The following DENND5A variants were observed in gnomAD, a reference collection of about 807,000 sequenced individuals.
The protein encoded by DENND5A is DENN domain-containing protein 5A.
Under a neutral mutation model 140.3 loss-of-function variants are expected in DENND5A, and 64 were observed. The observed-to-expected ratio is 0.46, with a 90% CI of 0.37 to 0.56. DENND5A has a LOEUF of 0.56. Ranked by LOEUF, DENND5A falls within the 20% of genes least tolerant of loss-of-function variation. The pLI, the probability that DENND5A is intolerant of heterozygous loss-of-function variation, is 0.00. For missense variants in DENND5A, 1,292 were observed against 1,593.8 expected, an observed-to-expected ratio of 0.81 and a Z score of 3.22; for synonymous variants, 605 against 607.7, an observed-to-expected ratio of 1.00 and a Z score of 0.07.
intron 1 of DENND5A, among the ~76,000 whole-genome samples, chr11:9,249,645 T>C (rs186496103): frequency 1.6e-4 from 24 of 152,300 alleles, no homozygotes; most frequent in African/African-American, 5.5e-4. Flanking sequence ...GCCTCCAGGT[T>C]CGAGCAATTC....
At chr11:9,166,659 C>T (rs1848201958) in intron 10 of DENND5A, among the ~76,000 whole-genome samples, 1 of 151,796 alleles carries the variant, frequency 6.6e-6, no homozygotes, top group Non-Finnish European at 1.5e-5. Context: ...CAGTGAAACT[C>T]CATCTTTACT....
At chr11:9,143,123 C>T in intron 20 of DENND5A, 1 of 584,620 alleles carries the variant, frequency 1.7e-6, no homozygotes, top group South Asian at 2.3e-5. Context: ...TTCAAGGAGA[C>T]CCAGGCAAAT....
intron 10 of DENND5A, among the ~76,000 whole-genome samples, chr11:9,166,418 A>G (rs1351304377): frequency 2.0e-5 from 3 of 152,088 alleles, no homozygotes; most frequent in African/African-American, 7.2e-5. Flanking sequence ...CTAGGCTCAG[A>G]TAGTTAGGAA....
At chr11:9,240,035 C>T (rs1028848158) in intron 1 of DENND5A, among the ~76,000 whole-genome samples, 9 of 152,182 alleles carry the variant, frequency 5.9e-5, no homozygotes, top group African/African-American at 1.9e-4. Context: ...TTTTCCAAGA[C>T]ATAAACTGCA....
chr11:9,250,073 C>T (rs1423375369), intron 1 of DENND5A, among the ~76,000 whole-genome samples: 2 of 150,716 alleles, frequency 1.3e-5, no homozygotes, highest in Non-Finnish European at 3.0e-5. Context: ...CTTAAAATTT[C>T]TCAGGTGTTT....
chr11:9,219,842 C>T (rs956279232), intron 1 of DENND5A, among the ~76,000 whole-genome samples: 1 of 152,212 alleles, frequency 6.6e-6, no homozygotes, highest in Non-Finnish European at 1.5e-5. Flanking sequence ...CCACAACAGA[C>T]TTCTATAACA....
At chr11:9,211,271 A>T (rs1191103429) in intron 1 of DENND5A, among the ~76,000 whole-genome samples, 1 of 152,100 alleles carries the variant, frequency 6.6e-6, no homozygotes, top group African/African-American at 2.4e-5. Flanking sequence ...AAGACCCAAA[A>T]ATCTGTGTAC....
At chr11:9,183,590 T>G (rs865872618) in intron 5 of DENND5A, among the ~76,000 whole-genome samples, 1 of 152,064 alleles carries the variant, frequency 6.6e-6, no homozygotes, top group African/African-American at 2.4e-5. Flanking sequence ...TTGTTGTTGT[T>G]GAGACAGAGT....
At chr11:9,245,043 G>C (rs570691564) in intron 1 of DENND5A, among the ~76,000 whole-genome samples, 138 of 151,848 alleles carry the variant, frequency 9.1e-4, no homozygotes, top group South Asian at 6.2e-3. Flanking sequence ...CCAGCACTTT[G>C]GGAGGCCAAG....
chr11:9,230,202 C>G (rs1177732561), intron 1 of DENND5A, among the ~76,000 whole-genome samples: 6 of 148,874 alleles, frequency 4.0e-5, no homozygotes. Flanking sequence ...AGCCACCGCG[C>G]CCGGCCCCAT....
At chr11:9,176,863 TC>T (rs1250766987) in intron 8 of DENND5A, 1 of 456,242 alleles carries the variant, frequency 2.2e-6, no homozygotes, top group Admixed American at 2.3e-5. Flanking sequence ...TTTCACAGCT[TC>T]CCATGCACTT....
At chr11:9,234,811 C>T (rs998732595) in intron 1 of DENND5A, among the ~76,000 whole-genome samples, 1 of 152,196 alleles carries the variant, frequency 6.6e-6, no homozygotes, top group Admixed American at 6.5e-5. Flanking sequence ...AGGAATACTG[C>T]TAGTTAATCT....
At chr11:9,241,935 A>G (rs1851252561) in intron 1 of DENND5A, among the ~76,000 whole-genome samples, 1 of 150,814 alleles carries the variant, frequency 6.6e-6, no homozygotes, top group African/African-American at 2.4e-5. Flanking sequence ...AATCGCTTGA[A>G]TCTGGGAGGT....
chr11:9,201,376 T>TA (rs1849516846), intron 4 of DENND5A, among the ~76,000 whole-genome samples: 2 of 139,580 alleles, frequency 1.4e-5, no homozygotes, highest in African/African-American at 2.7e-5. Flanking sequence ...CTCTATTTCT[T>TA]TAAAAAAAAA....
rs543086568 is a variant in DENND5A at position 9,238,600 on chromosome 11, T to TAG, written c.109+26359_109+26360dup. ...CCTGGCTAATTTTTTATATTTTTAG[T>TAG]AGATGGGGTTTCACCATGTTAGCCA... On this transcript the variant is annotated intron_variant, in intron 1 of 22. Coordinates refer to ENST00000328194, the MANE Select transcript of DENND5A (RefSeq NM_015213.4). 5.1e-3 allele frequency among the ~76,000 whole-genome samples: 776 copies of TAG among 151,876 alleles called. 5 individuals carry two copies. Among genetic ancestry groups the TAG allele is most frequent in the African/African-American group, 0.018 (751 of 41,414 alleles).
intron 1 of DENND5A, among the ~76,000 whole-genome samples, chr11:9,217,622 C>T (rs1850146223): frequency 6.6e-6 from 1 of 152,086 alleles, no homozygotes; most frequent in Non-Finnish European, 1.5e-5. Context: ...CTAATTAGTA[C>T]AAAGTTTCTT....
chr11:9,215,550 C>CCTT (rs752413334), intron 1 of DENND5A, among the ~76,000 whole-genome samples: 23 of 140,504 alleles, frequency 1.6e-4, no homozygotes, highest in Non-Finnish European at 2.3e-4. Flanking sequence ...ATCCTGTGTT[C>CCTT]TTTTTTTTTT....
intron 1 of DENND5A, among the ~76,000 whole-genome samples, chr11:9,210,666 C>T (rs1478495707): frequency 6.6e-6 from 1 of 152,136 alleles, no homozygotes; most frequent in Non-Finnish European, 1.5e-5. Flanking sequence ...ACCTCAGCCT[C>T]CAGAGTAGCT....
chr11:9,172,294 T>C (rs1460012720), intron 8 of DENND5A: 2 of 152,180 alleles, frequency 1.3e-5, no homozygotes, highest in Non-Finnish European at 2.9e-5. Context: ...CCAAGCCACA[T>C]CATAATCAAA....
Sources: allele counts gnomAD v4.1 joint callset (sites outside exome capture counted in the v4.1 genomes callset), GRCh38; gene constraint gnomAD v4.1.1; transcripts MANE v1.5; gene names NCBI Gene and HGNC (gene_info 2026-07-23, HGNC 2026-07-21).